Variants in SYNPO2 observed in about 807,000 individuals in gnomAD.
The protein encoded by SYNPO2 is synaptopodin 2, also known as synaptopodin-2.
Under a neutral mutation model 85.0 loss-of-function variants are expected in SYNPO2, and 56 were observed. That is an observed-to-expected ratio of 0.66 (90% CI 0.53 to 0.82). The LOEUF (loss-of-function observed/expected upper bound fraction) is 0.82, where lower values mean the gene tolerates loss of function less well. Among genes scored for constraint, SYNPO2 ranks in the 40% least tolerant of loss-of-function variants. The pLI, the probability that SYNPO2 is intolerant of heterozygous loss-of-function variation, is 0.00. For synonymous variants in SYNPO2, 602 were observed against 591.1 expected, an observed-to-expected ratio of 1.02 and a Z score of -0.27; for missense variants, 1,575 against 1,534.2, an observed-to-expected ratio of 1.03 and a Z score of -0.44.
At position 118,994,720 on chromosome 4, in the gene SYNPO2, G is replaced by A. The variant is rs1032879165; in HGVS notation, c.106-28710G>A. ...CACATAACCACAAGCTTGGTAGAAA[G>A]TGGCATGTTATTCCCATAAACATCT... On this transcript the variant is annotated intron_variant, in intron 1 of 4. Coordinates refer to ENST00000307142, the MANE Select transcript of SYNPO2 (RefSeq NM_133477.3). Among the ~76,000 whole-genome samples, 32 of 152,274 alleles carry A rather than the reference G, an allele frequency of 2.1e-4. No homozygotes were observed. In the East Asian group the frequency reaches 6.2e-3, roughly 29 times the overall value.
chr4:118,939,347 T>C (rs773361168), intron 1 of SYNPO2, among the ~76,000 whole-genome samples: 3 of 152,240 alleles, frequency 2.0e-5, no homozygotes, highest in Non-Finnish European at 2.9e-5. Flanking sequence ...TCAAGCTAAC[T>C]GGAGAGGACA....
chr4:118,916,729 C>CTTTTTTTTTTTTTTTTT (rs199715189), intron 1 of SYNPO2, among the ~76,000 whole-genome samples: 174 of 116,950 alleles, frequency 1.5e-3, no homozygotes, highest in Middle Eastern at 5.7e-3. Context: ...ATTTTTCTTT[C>CTTTTTTTTTTTTTTTTT]TTTTTTTTTT....
intron 1 of SYNPO2, among the ~76,000 whole-genome samples, chr4:118,975,724 T>C (rs886426024): frequency 1.3e-5 from 2 of 152,222 alleles, no homozygotes; most frequent in African/African-American, 2.4e-5. Context: ...TCATCAAAAC[T>C]TGGACTCTGG....
intron 1 of SYNPO2, among the ~76,000 whole-genome samples, chr4:119,011,703 A>G (rs1391812231): frequency 2.0e-5 from 3 of 152,154 alleles, no homozygotes; most frequent in Non-Finnish European, 4.4e-5. Context: ...ATCTTCTCAT[A>G]TTGTCATTTA....
Position 119,060,478 on chromosome 4 carries a change from A to G in SYNPO2, c.*2544A>G, listed in dbSNP as rs1277280956. 1 of 152,190 alleles carries G rather than the reference A, an allele frequency of 6.6e-6. No individual in the cohort carries two copies. Among genetic ancestry groups the G allele is most frequent in the Non-Finnish European group, 1.5e-5 (1 of 68,022 alleles). 9.4% of individuals were successfully genotyped at this position (152,190 alleles called of 1,614,324 possible). ...TATTCTCCAGCATACTTGAAAATGA[A>G]TAAAGTTAGATTGCTCACATTGAAG... On this transcript the variant is annotated 3_prime_UTR_variant, in exon 5 of 5. Transcript: ENST00000307142.
At chr4:118,864,435 T>C (rs978329999) in intron 1 of SYNPO2, among the ~76,000 whole-genome samples, 25 of 152,276 alleles carry the variant, frequency 1.6e-4, no homozygotes, top group African/African-American at 5.8e-4. Flanking sequence ...TGAAATGTTC[T>C]GTAAATATCT....
chr4:119,001,255 G>GAA (rs1421166025), intron 1 of SYNPO2, among the ~76,000 whole-genome samples: 1 of 152,136 alleles, frequency 6.6e-6, no homozygotes, highest in Non-Finnish European at 1.5e-5. Flanking sequence ...AAGAGAGAAA[G>GAA]AAAAATTGCT....
In SYNPO2 at chr4:119,033,283, C is replaced by G. The variant is rs1029584691; in HGVS notation, c.3252+1256C>G. On this transcript the variant is annotated intron_variant, in intron 4 of 4. Coordinates refer to ENST00000307142, the MANE Select transcript of SYNPO2 (RefSeq NM_133477.3). ...TTGCTTTGCTTTTTGACAACTGCTTCTCCCACGTTCCTTGCAATTCTATTC... is the reference window on the plus strand; with the variant it reads ...TTGCTTTGCTTTTTGACAACTGCTTGTCCCACGTTCCTTGCAATTCTATTC... 2.2e-5 allele frequency: 22 copies of G among 985,378 alleles called. No individual in the cohort carries two copies. The African/African-American group carries it at 3.5e-4, about 16-fold the overall frequency. 61.0% of individuals were successfully genotyped at this position (985,378 alleles called of 1,614,324 possible). A position where few individuals can be genotyped will look rare whatever the true frequency, so the allele number is the denominator to read the frequency against.
At chr4:118,976,704 C>G (rs990790902) in intron 1 of SYNPO2, among the ~76,000 whole-genome samples, 6 of 152,122 alleles carry the variant, frequency 3.9e-5, no homozygotes, top group Non-Finnish European at 5.9e-5. Context: ...TACAGAGTGT[C>G]GATTGGTGCA....
intron 1 of SYNPO2, among the ~76,000 whole-genome samples, chr4:118,859,189 C>A (rs545981326): frequency 9.9e-5 from 15 of 152,014 alleles, no homozygotes; most frequent in Admixed American, 8.5e-4. Context: ...TCCTTTGTGT[C>A]GACTAGAGGA....
intron 1 of SYNPO2, among the ~76,000 whole-genome samples, chr4:118,989,779 G>A (rs1736342264): frequency 6.6e-6 from 1 of 152,162 alleles, no homozygotes; most frequent in Non-Finnish European, 1.5e-5. Flanking sequence ...AAGAGTTAGG[G>A]ACTTGGTGGA....
chr4:118,937,452 A>G (rs1358817619), intron 1 of SYNPO2, among the ~76,000 whole-genome samples: 1 of 152,154 alleles, frequency 6.6e-6, no homozygotes, highest in Non-Finnish European at 1.5e-5. Flanking sequence ...ACCCCATGTT[A>G]TATTCTCCAA....
intron 4 of SYNPO2, chr4:119,043,224 A>T (rs553058653): frequency 6.6e-6 from 1 of 152,270 alleles, no homozygotes; most frequent in Non-Finnish European, 1.5e-5. Flanking sequence ...ATTTAGACAC[A>T]CATACTACTA....
At chr4:118,972,770 C>A (rs1735584599) in intron 1 of SYNPO2, among the ~76,000 whole-genome samples, 1 of 152,188 alleles carries the variant, frequency 6.6e-6, no homozygotes. Context: ...GTTCTGTGAC[C>A]TTGGGCAAGC....
chr4:118,919,501 G>A (rs1733463845), intron 1 of SYNPO2, among the ~76,000 whole-genome samples: 1 of 152,030 alleles, frequency 6.6e-6, no homozygotes, highest in African/African-American at 2.4e-5. Context: ...AATCAAACTG[G>A]GCTCTAGGGA....
At chr4:118,871,767 C>G (rs993474604) in intron 1 of SYNPO2, among the ~76,000 whole-genome samples, 1 of 152,108 alleles carries the variant, frequency 6.6e-6, no homozygotes, top group Non-Finnish European at 1.5e-5. Context: ...GGCGGGGTTT[C>G]ACATTGTTAG....
intron 1 of SYNPO2, among the ~76,000 whole-genome samples, chr4:118,988,073 A>T (rs910403653): frequency 1.3e-5 from 2 of 152,192 alleles, no homozygotes; most frequent in East Asian, 3.8e-4. Context: ...GTTTTTGCTA[A>T]TCTGCACATG....
intron 1 of SYNPO2, among the ~76,000 whole-genome samples, chr4:118,864,491 T>C (rs1031546221): frequency 6.6e-6 from 1 of 152,200 alleles, no homozygotes; most frequent in Non-Finnish European, 1.5e-5. Context: ...TGATGTTTCT[T>C]TGTTGATTTT....
Position 119,031,248 on chromosome 4 carries a change from G to C in SYNPO2, c.2473G>C (p.Ala825Pro). ...CCGGCCTGCAAGTACTTTGAACGTG[G>C]CTGGTCCCTTCAAAGGACCACAAGC... ...PARPASTLNV[A>P]GPFKGPQAAV... The change falls in exon 4 of 5, where the codon GCT (alanine) becomes CCT (proline). Residue 825 changes from alanine to proline, a missense_variant. Physicochemically the swap from Ala to Pro is conservative, Grantham distance 27 (BLOSUM62 -1). This residue lies in a region of SYNPO2 where 1,508 missense variants were observed against 1,446.8 expected (regional missense o/e 1.04). Transcript: ENST00000307142. 1 of 1,614,066 alleles carries C rather than the reference G, an allele frequency of 6.2e-7. No homozygotes were observed. Among genetic ancestry groups the C allele is most frequent in the Non-Finnish European group, 8.5e-7 (1 of 1,180,018 alleles).
Sources: allele counts gnomAD v4.1 joint callset (sites outside exome capture counted in the v4.1 genomes callset), GRCh38; gene constraint gnomAD v4.1.1; regional missense constraint gnomAD v4.1.1; transcripts MANE v1.5; gene names NCBI Gene and HGNC (gene_info 2026-07-23, HGNC 2026-07-21).